GRIK4: variants seen among roughly 807,000 people sequenced by gnomAD.
GRIK4 encodes the protein glutamate ionotropic receptor kainate type subunit 4.
Under a neutral mutation model 104.9 loss-of-function variants are expected in GRIK4, and 40 were observed. The ratio of observed to expected loss-of-function variants is 0.38; its 90% CI spans 0.30 to 0.50. The LOEUF is 0.50. Ranked by LOEUF, GRIK4 falls within the 20% of genes least tolerant of loss-of-function variation. The pLI is 0.93. For missense variants in GRIK4, 1,047 were observed against 1,308.1 expected (o/e 0.80, Z 3.08); for synonymous variants, 485 against 524.9 (o/e 0.92, Z 1.04).
chr11:120,984,139 G>A (rs1255983975), intron 20 of GRIK4, among the ~76,000 whole-genome samples: 1 of 152,214 alleles, frequency 6.6e-6, no homozygotes, highest in Non-Finnish European at 1.5e-5. Context: ...GAAGTATATT[G>A]AAAAATTCAG....
intron 4 of GRIK4, among the ~76,000 whole-genome samples, chr11:120,807,420 A>C (rs977466507): frequency 6.6e-6 from 1 of 152,170 alleles, no homozygotes; most frequent in African/African-American, 2.4e-5. Context: ...CAAGCATGCT[A>C]TCAGCTGTCC....
At chr11:120,625,533 A>G (rs1463533623) in intron 1 of GRIK4, among the ~76,000 whole-genome samples, 6 of 151,946 alleles carry the variant, frequency 3.9e-5, no homozygotes, top group Non-Finnish European at 7.4e-5. Flanking sequence ...CTCTTCTCAC[A>G]TCTGAGATGC....
intron 14 of GRIK4, among the ~76,000 whole-genome samples, chr11:120,942,007 T>C (rs1943737153): frequency 6.6e-6 from 1 of 152,254 alleles, no homozygotes; most frequent in Admixed American, 6.5e-5. Context: ...CACATGCTTA[T>C]AAGTGAAAGA....
intron 13 of GRIK4, among the ~76,000 whole-genome samples, chr11:120,928,984 T>TGCGC (rs1422547240): frequency 9.9e-6 from 1 of 101,410 alleles, no homozygotes; most frequent in Non-Finnish European, 2.4e-5. Context: ...TGTGTGTGTG[T>TGCGC]GTGTGCGCGC....
At chr11:120,687,231 C>T (rs1407803502) in intron 3 of GRIK4, among the ~76,000 whole-genome samples, 3 of 152,130 alleles carry the variant, frequency 2.0e-5, no homozygotes, top group Admixed American at 1.3e-4. Context: ...CCCAGGCTGT[C>T]TTAGCTGGAT....
Position 120,638,416 on chromosome 11 carries a change from T to G in GRIK4, c.-158-15269T>G, listed in dbSNP as rs573293156. Among the ~76,000 whole-genome samples the G allele has an allele frequency of 2.0e-5, 3 of 152,206 alleles. No homozygotes were observed. In the East Asian group the frequency reaches 5.8e-4, roughly 29 times the overall value. ...AGCTAGTTGGTGGTGGAGCTAGAAT[T>G]TGTCTTCAGAGTCCATGATGTTTAT... On this transcript the variant is annotated intron_variant, in intron 1 of 20. Coordinates refer to ENST00000527524, the MANE Select transcript of GRIK4 (RefSeq NM_014619.5).
intron 1 of GRIK4, among the ~76,000 whole-genome samples, chr11:120,582,080 T>TTCTGTACTTTTAGTAGAA (rs1345536920): frequency 1.4e-3 from 209 of 151,976 alleles, no homozygotes; most frequent in African/African-American, 4.8e-3. Flanking sequence ...GTGCTGGGAT[T>TTCTGTACTTTTAGTAGAA]ACAGGCATGA....
chr11:120,649,709 C>T (rs7124091), intron 1 of GRIK4, among the ~76,000 whole-genome samples: 1 of 152,144 alleles, frequency 6.6e-6, no homozygotes, highest in Non-Finnish European at 1.5e-5. Flanking sequence ...CACCCTCACT[C>T]AAACACAGAC....
At chr11:120,781,397 C>T (rs1235645665) in intron 3 of GRIK4, among the ~76,000 whole-genome samples, 2 of 152,114 alleles carry the variant, frequency 1.3e-5, no homozygotes, top group African/African-American at 4.8e-5. Flanking sequence ...GTCACCCAGG[C>T]TAGAGTGCAG....
At chr11:120,625,712 T>G (rs1425838415) in intron 1 of GRIK4, among the ~76,000 whole-genome samples, 1 of 151,256 alleles carries the variant, frequency 6.6e-6, no homozygotes, top group Non-Finnish European at 1.5e-5. Flanking sequence ...CCAAACAGAG[T>G]GCCAGGGTGT....
At chr11:120,868,911 T>G (rs2135661625) in intron 9 of GRIK4, 1 of 152,328 alleles carries the variant, frequency 6.6e-6, no homozygotes, top group East Asian at 1.9e-4. Flanking sequence ...TAACAGAAAC[T>G]GCTTCTCCCT....
intron 3 of GRIK4, among the ~76,000 whole-genome samples, chr11:120,703,365 G>A (rs190424393): frequency 1.3e-5 from 2 of 152,246 alleles, no homozygotes; most frequent in Non-Finnish European, 2.9e-5. Context: ...TCTAAAGGGG[G>A]CTGGATTGGC....
chr11:120,905,139 G>T lies in GRIK4; in HGVS notation c.1273-151G>T. Reference sequence around the variant, plus strand: ...AGGAGCACATCAGGGAGAGGAGCTGGTCATCACCCCAAAGTAGCCCATTAC... The same window carrying T: ...AGGAGCACATCAGGGAGAGGAGCTGTTCATCACCCCAAAGTAGCCCATTAC... On this transcript the variant is annotated intron_variant, in intron 12 of 20. Coordinates refer to ENST00000527524, the MANE Select transcript of GRIK4 (RefSeq NM_014619.5). The surrounding 1 kb of genome is among the most constrained non-coding windows in gnomAD (Gnocchi z 5.1). 2.9e-6 allele frequency: 2 copies of T among 696,040 alleles called. No homozygotes were observed. The allele number at this position is 696,040 out of a possible 1,614,324, so 43.1% of individuals were successfully genotyped here. A position where few individuals can be genotyped will look rare whatever the true frequency, so the allele number is the denominator to read the frequency against.
chr11:120,708,291 T>C (rs1314010006), intron 3 of GRIK4, among the ~76,000 whole-genome samples: 1 of 152,164 alleles, frequency 6.6e-6, no homozygotes, highest in African/African-American at 2.4e-5. Context: ...GATGTGTTTC[T>C]ACCCTGGGTG....
At chr11:120,950,415 T>C (rs1247187321) in intron 14 of GRIK4, among the ~76,000 whole-genome samples, 2 of 152,244 alleles carry the variant, frequency 1.3e-5, no homozygotes, top group Non-Finnish European at 2.9e-5. Context: ...AGTGCTGTCA[T>C]TTTCCTCAAT....
At chr11:120,595,627 C>G (rs1320721) in intron 1 of GRIK4, among the ~76,000 whole-genome samples, 96,538 of 152,046 alleles carry the variant, frequency 0.63, 31,638 homozygotes, top group Non-Finnish European at 0.7. Flanking sequence ...CTAGAATGTT[C>G]TTTAGTCTCT....
At chr11:120,690,446 G>A (rs1256616502) in intron 3 of GRIK4, among the ~76,000 whole-genome samples, 1 of 152,226 alleles carries the variant, frequency 6.6e-6, no homozygotes, top group Non-Finnish European at 1.5e-5. Context: ...CTGCCTCCTG[G>A]TTTCACGCTC....
intron 1 of GRIK4, among the ~76,000 whole-genome samples, chr11:120,556,236 A>G (rs1370788012): frequency 6.6e-6 from 1 of 152,094 alleles, no homozygotes; most frequent in Non-Finnish European, 1.5e-5. Flanking sequence ...GCATTCACCC[A>G]TGAGTCCTTT....
At chr11:120,787,024 A>G (rs1472549742) in intron 3 of GRIK4, among the ~76,000 whole-genome samples, 3 of 152,232 alleles carry the variant, frequency 2.0e-5, no homozygotes, top group Middle Eastern at 3.2e-3. Context: ...AGAGATTAAA[A>G]TCATAGTATT....
Sources: gnomAD v4.1 joint callset for allele counts (sites outside exome capture counted in the v4.1 genomes callset) on GRCh38, gnomAD v4.1.1 for gene constraint, Gnocchi (gnomAD v3.1) non-coding constraint, MANE v1.5 for transcripts, NCBI Gene and HGNC (gene_info 2026-07-23, HGNC 2026-07-21) for gene names.